Variants in VAV3 observed in about 807,000 individuals in gnomAD.
VAV3 encodes vav guanine nucleotide exchange factor 3.
VAV3 carries 94 observed loss-of-function variants against 131.2 expected under a neutral mutation model. The observed-to-expected ratio is 0.72, with a 90% confidence interval of 0.61 to 0.85. VAV3 has a LOEUF of 0.85. Ranked by LOEUF, VAV3 falls within the 40% of genes least tolerant of loss-of-function variation. The pLI, the probability that VAV3 is intolerant of heterozygous loss-of-function variation, is 0.00. For missense variants in VAV3, 939 were observed against 1,002.7 expected (o/e 0.94, Z 0.86); for synonymous variants, 349 against 342.0 (o/e 1.02, Z -0.22).
chr1:107,921,589 G>A (rs1020968843), intron 1 of VAV3, among the ~76,000 whole-genome samples: 1 of 152,178 alleles, frequency 6.6e-6, no homozygotes, highest in Non-Finnish European at 1.5e-5. Context: ...AAACCTGCCT[G>A]ACAGCCAAGT....
At chr1:107,609,257 T>A (rs1265832283) in intron 22 of VAV3, among the ~76,000 whole-genome samples, 3 of 152,228 alleles carry the variant, frequency 2.0e-5, no homozygotes, top group Admixed American at 6.5e-5. Flanking sequence ...TAGTTGGAGA[T>A]ATCTAGAAAA....
At chr1:107,870,477 TG>T (rs1265652934) in intron 2 of VAV3, among the ~76,000 whole-genome samples, 1 of 152,134 alleles carries the variant, frequency 6.6e-6, no homozygotes. Context: ...CACTTTTTGA[TG>T]GGACTGTTTG....
At chr1:107,844,229 C>G (rs1280380552) in intron 2 of VAV3, among the ~76,000 whole-genome samples, 1 of 151,992 alleles carries the variant, frequency 6.6e-6, no homozygotes, top group Non-Finnish European at 1.5e-5. Context: ...AGGGAACTCC[C>G]TCCCCTAGCC....
chr1:107,678,716 A>G (rs1259313872), intron 19 of VAV3, among the ~76,000 whole-genome samples: 1 of 152,070 alleles, frequency 6.6e-6, no homozygotes, highest in Admixed American at 6.5e-5. Flanking sequence ...ATAAACCAGT[A>G]TAAAAATTTT....
At chr1:107,831,065 G>A (rs1668226736) in intron 2 of VAV3, among the ~76,000 whole-genome samples, 1 of 152,070 alleles carries the variant, frequency 6.6e-6, no homozygotes, top group Non-Finnish European at 1.5e-5. Context: ...GGGACCAGAA[G>A]TGTTTTAGAT....
chr1:107,713,302 A>C (rs1336358979), intron 15 of VAV3, among the ~76,000 whole-genome samples: 1 of 152,152 alleles, frequency 6.6e-6, no homozygotes, highest in African/African-American at 2.4e-5. Flanking sequence ...AAGGAAATGA[A>C]AGCAAACAAA....
intron 17 of VAV3, 88 bp downstream of exon 17, chr1:107,704,461 AC>A: frequency 1.1e-6 from 1 of 933,824 alleles, no homozygotes; most frequent in Non-Finnish European, 1.7e-6. Context: ...TACAATAAAC[AC>A]ATATTCAGAG....
At chr1:107,783,261 C>T (rs1241502639) in intron 2 of VAV3, among the ~76,000 whole-genome samples, 2 of 152,082 alleles carry the variant, frequency 1.3e-5, no homozygotes, top group Non-Finnish European at 2.9e-5. Flanking sequence ...GTCAAAACTG[C>T]CTTTTTAAAG....
chr1:107,666,766 C>T (rs903812036), intron 19 of VAV3, among the ~76,000 whole-genome samples: 3 of 151,938 alleles, frequency 2.0e-5, no homozygotes, highest in Admixed American at 1.3e-4. Context: ...TGTGCCAGTC[C>T]CTGTTCTATG....
At chr1:107,680,683 A>T (rs1174131944) in intron 19 of VAV3, among the ~76,000 whole-genome samples, 1 of 152,110 alleles carries the variant, frequency 6.6e-6, no homozygotes, top group Non-Finnish European at 1.5e-5. Flanking sequence ...AAGTTCTAGG[A>T]TTACAGGAAT....
At chr1:107,614,915 A>C (rs1211914526) in intron 21 of VAV3, among the ~76,000 whole-genome samples, 3 of 152,074 alleles carry the variant, frequency 2.0e-5, no homozygotes, top group Non-Finnish European at 4.4e-5. Flanking sequence ...AGGTTCCCAA[A>C]CTTCTTAATG....
At chr1:107,836,676 T>A (rs1668490630) in intron 2 of VAV3, among the ~76,000 whole-genome samples, 1 of 152,130 alleles carries the variant, frequency 6.6e-6, no homozygotes, top group African/African-American at 2.4e-5. Context: ...GACCACTGTC[T>A]AGATGAACAA....
chr1:107,593,448 C>T lies in VAV3; in HGVS notation c.2350+2764G>A, dbSNP rs1415661034. The stretch of plus-strand genomic sequence containing the variant: ...CTATTCTCAACCTCTACTCAGAACA[C>T]AGAATGGTTCCAAGCTTTACCTTGC... On this transcript the variant is annotated intron_variant, in intron 25 of 26. Transcript: ENST00000370056. Among the ~76,000 whole-genome samples, 8 of 152,058 alleles carry T rather than the reference C, an allele frequency of 5.3e-5. No homozygotes were observed. In the South Asian group the frequency reaches 1.0e-3, roughly 20 times the overall value.
At chr1:107,766,400 C>T in intron 8 of VAV3, 47 bp downstream of exon 8, 4 of 1,285,730 alleles carry the variant, frequency 3.1e-6, no homozygotes, top group East Asian at 2.3e-5. Flanking sequence ...CTAATCCTCA[C>T]TATAATTACA....
At position 107,964,991 on chromosome 1, in the gene VAV3, G is replaced by C. The variant is rs1188656083; in HGVS notation, c.-122C>G. 2 of 847,480 alleles carry C rather than the reference G, an allele frequency of 2.4e-6. No homozygotes were observed. Among genetic ancestry groups the C allele is most frequent in the Non-Finnish European group, 3.0e-6 (2 of 666,610 alleles). 52.5% of individuals were successfully genotyped at this position (847,480 alleles called of 1,614,324 possible). A position where few individuals can be genotyped will look rare whatever the true frequency, so the allele number is the denominator to read the frequency against. ...ACAGCCGCCGGCCCTTTCCCCGCGC[G>C]GGATCGAGGGAGCAGGAGCCGCGGC... On this transcript the variant is annotated 5_prime_UTR_variant, in exon 1 of 27. Coordinates refer to ENST00000370056, the MANE Select transcript of VAV3 (RefSeq NM_006113.5).
At chr1:107,708,285 G>A (rs1660572776) in intron 15 of VAV3, among the ~76,000 whole-genome samples, 1 of 152,192 alleles carries the variant, frequency 6.6e-6, no homozygotes, top group Non-Finnish European at 1.5e-5. Flanking sequence ...ATGGGGTTGG[G>A]TTGTCTATAG....
At chr1:107,963,429 A>G (rs1265346140) in intron 1 of VAV3, 2 of 152,198 alleles carry the variant, frequency 1.3e-5, no homozygotes, top group African/African-American at 4.8e-5. Flanking sequence ...TCACTTTTAA[A>G]TACGTATGGC....
At chr1:107,823,080 A>G (rs1667870494) in intron 2 of VAV3, among the ~76,000 whole-genome samples, 1 of 152,206 alleles carries the variant, frequency 6.6e-6, no homozygotes, top group Non-Finnish European at 1.5e-5. Context: ...CAAGAAAAGT[A>G]ATATTTTACC....
At chr1:107,863,398 T>G (rs1669834775) in intron 2 of VAV3, among the ~76,000 whole-genome samples, 1 of 152,198 alleles carries the variant, frequency 6.6e-6, no homozygotes, top group East Asian at 1.9e-4. Flanking sequence ...ACAGAATGCT[T>G]AGCTCAAGCA....
Sources: gnomAD v4.1 joint callset for allele counts (sites outside exome capture counted in the v4.1 genomes callset) on GRCh38, gnomAD v4.1.1 for gene constraint, MANE v1.5 for transcripts, NCBI Gene and HGNC (gene_info 2026-07-23, HGNC 2026-07-21) for gene names.